POLD3: variants seen among roughly 807,000 people sequenced by gnomAD.
POLD3 encodes the protein DNA polymerase delta subunit 3.
In POLD3, 19 loss-of-function variants were observed where a neutral mutation model predicts 58.2. The ratio of observed to expected loss-of-function variants is 0.33; its 90% CI spans 0.23 to 0.48. POLD3 has a LOEUF of 0.48. POLD3 is among the 20% of genes least tolerant of loss of function. The pLI is 0.99. For missense variants in POLD3, 504 were observed against 545.5 expected, an observed-to-expected ratio of 0.92 and a Z score of 0.76; for synonymous variants, 172 against 193.5, an observed-to-expected ratio of 0.89 and a Z score of 0.92.
chr11:74,593,595 C>T (rs2135106135), intron 1 of POLD3, among the ~76,000 whole-genome samples: 1 of 152,254 alleles, frequency 6.6e-6, no homozygotes, highest in Non-Finnish European at 1.5e-5. Context: ...AAAATATTTA[C>T]CCACTTTTTT....
chr11:74,625,614 G>T, intron 8 of POLD3, 41 bp downstream of exon 8: 1 of 1,547,608 alleles, frequency 6.5e-7, no homozygotes, highest in Non-Finnish European at 8.8e-7. Context: ...AGTCTTTACT[G>T]GGGGTGAGAA....
At chr11:74,633,823 G>C (rs1196559917) in intron 9 of POLD3, among the ~76,000 whole-genome samples, 3 of 152,148 alleles carry the variant, frequency 2.0e-5, no homozygotes, top group Admixed American at 2.0e-4. Flanking sequence ...AACCTTATCA[G>C]TGAAGCAGTC....
chr11:74,603,631 A>G (rs1262896519), intron 2 of POLD3, among the ~76,000 whole-genome samples: 1 of 152,164 alleles, frequency 6.6e-6, no homozygotes, highest in Non-Finnish European at 1.5e-5. Context: ...CCAACAGTTA[A>G]GGAAAGGGAG....
chr11:74,636,322 A>G (rs2032750359), intron 11 of POLD3, 47 bp downstream of exon 11: 1 of 1,583,716 alleles, frequency 6.3e-7, no homozygotes, highest in African/African-American at 1.3e-5. Context: ...ATCTCTTATT[A>G]CCACAGAGGC....
rs2032904478 is a variant in POLD3 at position 74,641,189 on chromosome 11, A to G, written c.*423A>G. ...TCATGTGGGTGTTTCTTATCCTTAC[A>G]TTCTGCTGGATACGTTTACCCCTCT... On this transcript the variant is annotated 3_prime_UTR_variant, in exon 12 of 12. Transcript: ENST00000263681. 3 of 985,638 alleles carry G rather than the reference A, an allele frequency of 3.0e-6. No homozygotes were observed. The South Asian group carries it at 1.4e-4, about 46-fold the overall frequency. 61.1% of individuals were successfully genotyped at this position (985,638 alleles called of 1,614,324 possible). A position where few individuals can be genotyped will look rare whatever the true frequency, so the allele number is the denominator to read the frequency against.
chr11:74,642,318 T>C lies in POLD3; in HGVS notation c.*1552T>C. ...GGTTGACATATTCCAAAACCCTTCT[T>C]TTTAAAAGGAAAAAGGATGGAGAGA... On this transcript the variant is annotated 3_prime_UTR_variant, in exon 12 of 12. Coordinates refer to ENST00000263681, the MANE Select transcript of POLD3 (RefSeq NM_006591.3). 2 of 985,354 alleles carry C rather than the reference T, an allele frequency of 2.0e-6. No individual in the cohort carries two copies. Among genetic ancestry groups the C allele is most frequent in the Non-Finnish European group, 2.4e-6 (2 of 829,880 alleles). The allele number at this position is 985,354 out of a possible 1,614,324, so 61.0% of individuals were successfully genotyped here.
At chr11:74,652,643 C>G (rs886794413) in intron 4 of POLD3, 9 of 152,230 alleles carry the variant, frequency 5.9e-5, no homozygotes, top group Non-Finnish European at 1.3e-4. Context: ...AGGCACACAA[C>G]ATAGACATTA....
intron 7 of POLD3, among the ~76,000 whole-genome samples, chr11:74,624,295 T>C (rs1167555415): frequency 2.0e-5 from 3 of 152,164 alleles, no homozygotes; most frequent in South Asian, 4.1e-4. Flanking sequence ...CAGTTGAAAA[T>C]GCAAGAGTAT....
intron 7 of POLD3, among the ~76,000 whole-genome samples, chr11:74,622,399 G>A (rs536572878): frequency 6.6e-6 from 1 of 152,342 alleles, no homozygotes; most frequent in Admixed American, 6.5e-5. Context: ...CATTTGAATA[G>A]TGGATGATTG....
intron 4 of POLD3, among the ~76,000 whole-genome samples, chr11:74,649,850 T>TGAGA (rs375042490): frequency 6.6e-6 from 1 of 151,474 alleles, no homozygotes; most frequent in Non-Finnish European, 1.5e-5. Context: ...TTTATTTATT[T>TGAGA]GAGAGAGAGA....
intron 5 of POLD3, among the ~76,000 whole-genome samples, chr11:74,614,506 T>C (rs1031374673): frequency 3.3e-5 from 5 of 152,050 alleles, no homozygotes; most frequent in African/African-American, 7.2e-5. Context: ...GTCAGGAGAT[T>C]GAGACCATCC....
chr11:74,662,068 C>T (rs2033212673), intron 4 of POLD3, among the ~76,000 whole-genome samples: 2 of 151,458 alleles, frequency 1.3e-5, no homozygotes, highest in South Asian at 2.1e-4. Context: ...GCCTGGGACT[C>T]GCCCTTCAGA....
At chr11:74,597,962 T>C (rs1308036953) in intron 2 of POLD3, among the ~76,000 whole-genome samples, 3 of 152,092 alleles carry the variant, frequency 2.0e-5, no homozygotes, top group African/African-American at 7.2e-5. Context: ...GCACCTGCAG[T>C]CTTAGCTACT....
chr11:74,656,342 A>ACG (rs1438767908), intron 4 of POLD3, among the ~76,000 whole-genome samples: 2 of 152,074 alleles, frequency 1.3e-5, no homozygotes, highest in Non-Finnish European at 2.9e-5. Context: ...TAATCCCGCC[A>ACG]CTTTGGGAGG....
At chr11:74,615,820 A>G (rs573445112) in intron 5 of POLD3, among the ~76,000 whole-genome samples, 1 of 152,282 alleles carries the variant, frequency 6.6e-6, no homozygotes, top group African/African-American at 2.4e-5. Context: ...TGTTAACTAT[A>G]TACCCAAAAT....
chr11:74,642,632 G>C lies in POLD3; in HGVS notation c.*1866G>C, dbSNP rs774727242. On this transcript the variant is annotated 3_prime_UTR_variant, in exon 12 of 12. Transcript: ENST00000263681. The stretch of plus-strand genomic sequence containing the variant: ...GCCTCAACTCTGAGCTGTCTGCAAG[G>C]CTTAGTAAGTATTGAGTGGTGTTTT... 1.5e-5 allele frequency: 15 copies of C among 984,248 alleles called. No homozygotes were observed. The highest frequency in any genetic ancestry group is 1.8e-5 in the Non-Finnish European group (15 of 829,088). 61.0% of individuals were successfully genotyped at this position (984,248 alleles called of 1,614,324 possible).
intron 11 of POLD3, among the ~76,000 whole-genome samples, chr11:74,639,899 G>A (rs941370820): frequency 1.3e-5 from 2 of 152,174 alleles, no homozygotes; most frequent in Admixed American, 1.3e-4. Context: ...GATAGCATTT[G>A]CTTGAGATAG....
In POLD3 at chr11:74,623,947, A is replaced by T. The variant is rs1461509199; in HGVS notation, c.734-1461A>T. Among the ~76,000 whole-genome samples, 3 of 152,240 alleles carry T rather than the reference A, an allele frequency of 2.0e-5. No individual in the cohort carries two copies. In the East Asian group the frequency reaches 5.8e-4, roughly 29 times the overall value. ...GAAACCAAGACAGAAGAAACTCTGG[A>T]TGCTGAATCTAATGTTTGATCAGTG... On this transcript the variant is annotated intron_variant, in intron 7 of 11. Transcript: ENST00000263681.
intron 4 of POLD3, among the ~76,000 whole-genome samples, chr11:74,612,108 T>C (rs980773532): frequency 6.6e-6 from 1 of 152,148 alleles, no homozygotes; most frequent in African/African-American, 2.4e-5. Flanking sequence ...AGATTGGGAC[T>C]GAGGAGGGTG....
Sources: gnomAD v4.1 joint callset for allele counts (sites outside exome capture counted in the v4.1 genomes callset) on GRCh38, gnomAD v4.1.1 for gene constraint, MANE v1.5 for transcripts, NCBI Gene and HGNC (gene_info 2026-07-23, HGNC 2026-07-21) for gene names.